FBLN1: variants seen among roughly 807,000 people sequenced by gnomAD.
The protein encoded by FBLN1 is fibulin 1.
Under a neutral mutation model 89.7 loss-of-function variants are expected in FBLN1, and 34 were observed. That is an observed-to-expected ratio of 0.38 (90% CI 0.29 to 0.50). The LOEUF is 0.50. Ranked by LOEUF, FBLN1 falls within the 20% of genes least tolerant of loss-of-function variation. The pLI, the probability that FBLN1 is intolerant of heterozygous loss-of-function variation, is 0.92. For synonymous variants in FBLN1, 393 were observed against 391.3 expected, an observed-to-expected ratio of 1.00 and a Z score of -0.05; for missense variants, 777 against 988.1, an observed-to-expected ratio of 0.79 and a Z score of 2.86.
At chr22:45,560,698 G>A (rs923141007) in intron 14 of FBLN1, among the ~76,000 whole-genome samples, 2 of 152,114 alleles carry the variant, frequency 1.3e-5, no homozygotes, top group Admixed American at 6.5e-5. Context: ...CCATTCTCAT[G>A]CCCGTTCTCC....
chr22:45,524,993 A>G (rs1196822231), intron 2 of FBLN1, among the ~76,000 whole-genome samples: 1 of 152,170 alleles, frequency 6.6e-6, no homozygotes, highest in Non-Finnish European at 1.5e-5. Context: ...CTGAGGCAGG[A>G]GAATCGCTTG....
rs772399786 is a variant in FBLN1 at position 45,563,205 on chromosome 22, G to C, written c.1698-11306G>C. On this transcript the variant is annotated intron_variant, in intron 14 of 16. Coordinates refer to ENST00000327858, the MANE Select transcript of FBLN1 (RefSeq NM_006486.3). The surrounding 1 kb of genome is among the most constrained non-coding windows in gnomAD (Gnocchi z 5.7). ...CTGACCGTCAAGATGGATCTCTCTC[G>C]CCACGGCACCGTCAGCTCCTTTGTG... 6.2e-7 allele frequency: 1 copy of C among 1,613,722 alleles called. No individual in the cohort carries two copies. The highest frequency in any genetic ancestry group is 1.3e-5 in the African/African-American group (1 of 75,022).
In FBLN1 at chr22:45,562,088, A is replaced by C. The variant is rs2088855708; in HGVS notation, c.1697+11473A>C. Among the ~76,000 whole-genome samples, 1 of 152,192 alleles carries C rather than the reference A, an allele frequency of 6.6e-6. No homozygotes were observed. Among genetic ancestry groups the C allele is most frequent in the Admixed American group, 6.5e-5 (1 of 15,286 alleles). On this transcript the variant is annotated intron_variant, in intron 14 of 16. Coordinates refer to ENST00000327858, the MANE Select transcript of FBLN1 (RefSeq NM_006486.3). The surrounding 1 kb of genome is among the most constrained non-coding windows in gnomAD (Gnocchi z 7.8). The stretch of plus-strand genomic sequence containing the variant: ...CCAGGATCAATACTTTGTATCCTTC[A>C]ATCCAATCAAGTTGACACTATTAAC...
chr22:45,515,791 A>G (rs2088162181), intron 1 of FBLN1, among the ~76,000 whole-genome samples: 1 of 152,228 alleles, frequency 6.6e-6, no homozygotes, highest in South Asian at 2.1e-4. Flanking sequence ...AAGACAGTGC[A>G]AGCCCCGTTT....
In FBLN1 at chr22:45,581,665, C is replaced by T. The variant is rs2147033292; in HGVS notation, c.1972+4557C>T. ...GTTGTCTTTGTAGTTTTTTGCAGGC[C>T]AGCCCCTCCTGTCGCACGGGCATGA... On this transcript the variant is annotated intron_variant, in intron 16 of 16. Transcript: ENST00000327858. This position sits in a 1 kb window ranked among gnomAD's most constrained non-coding sequence, Gnocchi z 7.6. Among the ~76,000 whole-genome samples the T allele has an allele frequency of 6.6e-6, 1 of 152,180 alleles. No individual in the cohort carries two copies. Among genetic ancestry groups the T allele is most frequent in the South Asian group, 2.1e-4 (1 of 4,816 alleles).
chr22:45,528,112 A>G (rs2088355376), intron 4 of FBLN1, 103 bp downstream of exon 4: 2 of 1,318,448 alleles, frequency 1.5e-6, no homozygotes, highest in Non-Finnish European at 2.1e-6. Flanking sequence ...GACTTGGCTC[A>G]TGTGATCGTG....
At chr22:45,517,596 G>C (rs1281225429) in intron 1 of FBLN1, 3 of 471,104 alleles carry the variant, frequency 6.4e-6, no homozygotes, top group Non-Finnish European at 4.4e-6. Flanking sequence ...AGATAAGATG[G>C]CCAGGCTGCG....
rs1350089866 is a variant in FBLN1, at chr22:45,537,213, C to T, written c.922+1876C>T. Among the ~76,000 whole-genome samples, 1 of 152,212 alleles carries T rather than the reference C, an allele frequency of 6.6e-6. No individual in the cohort carries two copies. Among genetic ancestry groups the T allele is most frequent in the Non-Finnish European group, 1.5e-5 (1 of 68,038 alleles). Reference sequence around the variant, plus strand: ...GGGGGTATACATTTCCATCTTGCTTCGATTTCAACTTTTCCTTAGCGAAAT... The same window carrying T: ...GGGGGTATACATTTCCATCTTGCTTTGATTTCAACTTTTCCTTAGCGAAAT... On this transcript the variant is annotated intron_variant, in intron 8 of 16. Transcript: ENST00000327858. This position sits in a 1 kb window ranked among gnomAD's most constrained non-coding sequence, Gnocchi z 5.7.
At position 45,571,052 on chromosome 22, in the gene FBLN1, C is replaced by T. The variant is rs778119402; in HGVS notation, c.1698-3459C>T. Reference sequence around the variant, plus strand: ...AGGAGAATCGCTTAAACTTGGGAGGCGGAGGTTGCAGGGAGCCGAGATCAT... The same window carrying T: ...AGGAGAATCGCTTAAACTTGGGAGGTGGAGGTTGCAGGGAGCCGAGATCAT... On this transcript the variant is annotated intron_variant, in intron 14 of 16. Transcript: ENST00000327858. 1.0e-4 allele frequency among the ~76,000 whole-genome samples: 13 copies of T among 126,548 alleles called. 1 individual carries two copies. Among genetic ancestry groups the T allele is most frequent in the South Asian group, 8.2e-4 (3 of 3,658 alleles). The allele number at this position is 126,548 out of a possible 152,430, so 83.0% of individuals were successfully genotyped here. A position where few individuals can be genotyped will look rare whatever the true frequency, so the allele number is the denominator to read the frequency against.
intron 5 of FBLN1, 60 bp from the exon 6 acceptor site, chr22:45,533,003 C>G: frequency 6.6e-7 from 1 of 1,506,448 alleles, no homozygotes; most frequent in South Asian, 1.1e-5. Context: ...CTGAACGGAG[C>G]TAGAAACCAG....
chr22:45,596,863 A>G, intron 16 of FBLN1, among the ~76,000 whole-genome samples: 1 of 127,114 alleles, frequency 7.9e-6, no homozygotes, highest in East Asian at 2.0e-4. Context: ...TATAAAATAC[A>G]CTTTAAACTA....
At chr22:45,599,853 G>A (rs1006851338) in intron 16 of FBLN1, among the ~76,000 whole-genome samples, 4 of 152,166 alleles carry the variant, frequency 2.6e-5, no homozygotes, top group African/African-American at 7.2e-5. Flanking sequence ...GGAGGTGGAC[G>A]TTGCAATGAG....
chr22:45,564,985 A>G, intron 14 of FBLN1: 1 of 1,613,902 alleles, frequency 6.2e-7, no homozygotes, highest in Non-Finnish European at 8.5e-7. Context: ...ACCCACCTTG[A>G]TGCCTAGTGA....
intron 11 of FBLN1, among the ~76,000 whole-genome samples, chr22:45,546,370 C>G (rs888202237): frequency 6.6e-6 from 1 of 152,190 alleles, no homozygotes; most frequent in African/African-American, 2.4e-5. Context: ...GTGCGTGCCA[C>G]CATGCCTGGC....
chr22:45,549,416 T>C lies in FBLN1; in HGVS notation c.1573+672T>C, dbSNP rs1471991338. Among the ~76,000 whole-genome samples, 2 of 152,176 alleles carry C rather than the reference T, an allele frequency of 1.3e-5. No homozygotes were observed. The highest frequency in any genetic ancestry group is 4.8e-5 in the African/African-American group (2 of 41,434). Reference sequence around the variant, plus strand: ...CACAGGACTGTGGATCCTGGGGCTCTGGAAGCCCCCTGGGTCCCACAGATG... The same window carrying C: ...CACAGGACTGTGGATCCTGGGGCTCCGGAAGCCCCCTGGGTCCCACAGATG... On this transcript the variant is annotated intron_variant, in intron 13 of 16. Coordinates refer to ENST00000327858, the MANE Select transcript of FBLN1 (RefSeq NM_006486.3). The surrounding 1 kb of genome is among the most constrained non-coding windows in gnomAD (Gnocchi z 5.7).
chr22:45,584,218 A>T (rs978755608), intron 16 of FBLN1, among the ~76,000 whole-genome samples: 5 of 152,204 alleles, frequency 3.3e-5, no homozygotes, highest in African/African-American at 1.2e-4. Context: ...AGGCTTTTCC[A>T]TGAAAGTGAA....
chr22:45,600,536 C>T lies in FBLN1; in HGVS notation c.*90C>T. The T allele has an allele frequency of 3.4e-6, 5 of 1,467,544 alleles. No individual in the cohort carries two copies. The highest frequency in any genetic ancestry group is 4.8e-6 in the Non-Finnish European group (5 of 1,047,500). 90.9% of individuals were successfully genotyped at this position (1,467,544 alleles called of 1,614,324 possible). A position where few individuals can be genotyped will look rare whatever the true frequency, so the allele number is the denominator to read the frequency against. Reference sequence around the variant, plus strand: ...GTCTGTACTTGTTTATACCCTCAGACTTTTTTAATGTTAGGTATTTGTAGC... The same window carrying T: ...GTCTGTACTTGTTTATACCCTCAGATTTTTTTAATGTTAGGTATTTGTAGC... On this transcript the variant is annotated 3_prime_UTR_variant, in exon 17 of 17. Transcript: ENST00000327858.
intron 8 of FBLN1, among the ~76,000 whole-genome samples, chr22:45,535,769 A>T (rs755991979): frequency 1.3e-5 from 2 of 152,228 alleles, no homozygotes; most frequent in Non-Finnish European, 2.9e-5. Flanking sequence ...TAATCATAAT[A>T]CCTGGCTTAG....
intron 14 of FBLN1, among the ~76,000 whole-genome samples, chr22:45,558,936 A>G (rs969109222): frequency 6.6e-6 from 1 of 152,250 alleles, no homozygotes; most frequent in Non-Finnish European, 1.5e-5. Context: ...ACTGGATCCA[A>G]TCAGCATAAT....
Sources: allele counts gnomAD v4.1 joint callset (sites outside exome capture counted in the v4.1 genomes callset), GRCh38; gene constraint gnomAD v4.1.1; non-coding constraint Gnocchi (gnomAD v3.1); transcripts MANE v1.5; gene names NCBI Gene and HGNC (gene_info 2026-07-23, HGNC 2026-07-21).